IGFBP2: variants seen among roughly 807,000 people sequenced by gnomAD.
IGFBP2 encodes insulin like growth factor binding protein 2.
Under a neutral mutation model 26.2 loss-of-function variants are expected in IGFBP2, and 12 were observed. That is an observed-to-expected ratio of 0.46 (90% CI 0.29 to 0.74). IGFBP2 has a LOEUF of 0.74. Among genes scored for constraint, IGFBP2 ranks in the 30% least tolerant of loss-of-function variants. The probability of loss-of-function intolerance (pLI) is 0.09; values close to 1 mark genes in which losing one functional copy is unlikely to be tolerated. For synonymous variants in IGFBP2, 189 were observed against 200.6 expected, an observed-to-expected ratio of 0.94 and a Z score of 0.49; for missense variants, 328 against 441.2, an observed-to-expected ratio of 0.74 and a Z score of 2.30.
At position 216,633,748 on chromosome 2, in the gene IGFBP2, C is replaced by G; in HGVS notation, c.225C>G (p.Cys75Trp). 7.7e-7 allele frequency: 1 copy of G among 1,306,144 alleles called. No homozygotes were observed. The highest frequency in any genetic ancestry group is 9.7e-7 in the Non-Finnish European group (1 of 1,030,652). The allele number at this position is 1,306,144 out of a possible 1,614,324, so 80.9% of individuals were successfully genotyped here. Reference sequence around the variant, plus strand: ...TGGCCGGAGGCGCCCGCATGCCATGCGCGGAGCTCGTCCGGGAGCCGGGCT... The same window carrying G: ...TGGCCGGAGGCGCCCGCATGCCATGGGCGGAGCTCGTCCGGGAGCCGGGCT... ...AAVAGGARMP[C>W]AELVREPGCG... Residue 75 changes from cysteine to tryptophan, a missense_variant, in exon 1 of 4, where the codon TGC (cysteine) becomes TGG (tryptophan). Transcript: ENST00000233809.
chr2:216,633,592 G>A lies in IGFBP2; in HGVS notation c.69G>A (p.Leu23=). ...PPPPLLPLLL[L]LLGASGGGGG... Reference sequence around the variant, plus strand: ...CGCCGCTGCTGCCGCTGCTGCTGCTGCTACTGGGCGCGAGTGGCGGCGGCG... The same window carrying A: ...CGCCGCTGCTGCCGCTGCTGCTGCTACTACTGGGCGCGAGTGGCGGCGGCG... The change falls in exon 1 of 4, where the codon CTG becomes CTA. Residue 23 remains leucine (L), a synonymous_variant. Transcript: ENST00000233809. The A allele has an allele frequency of 9.8e-7, 1 of 1,016,690 alleles. No homozygotes were observed. Among genetic ancestry groups the A allele is most frequent in the Non-Finnish European group, 1.2e-6 (1 of 854,340 alleles). The allele number at this position is 1,016,690 out of a possible 1,614,324, so 63.0% of individuals were successfully genotyped here.
At chr2:216,653,129 G>A (rs1424791338) in intron 1 of IGFBP2, among the ~76,000 whole-genome samples, 1 of 152,180 alleles carries the variant, frequency 6.6e-6, no homozygotes, top group Admixed American at 6.6e-5. Flanking sequence ...GATAAGGACC[G>A]GGGCCACACA....
At chr2:216,641,583 G>A in intron 1 of IGFBP2, among the ~76,000 whole-genome samples, 1 of 151,942 alleles carries the variant, frequency 6.6e-6, no homozygotes, top group Non-Finnish European at 1.5e-5. Flanking sequence ...CAATGAAACT[G>A]TACTTTAAAT....
At chr2:216,649,962 C>T (rs1246618954) in intron 1 of IGFBP2, among the ~76,000 whole-genome samples, 7 of 152,236 alleles carry the variant, frequency 4.6e-5, no homozygotes. Context: ...TGTTTACAAA[C>T]CCATGAGTGG....
chr2:216,660,292 G>A (rs752502170), intron 1 of IGFBP2, among the ~76,000 whole-genome samples: 4 of 152,118 alleles, frequency 2.6e-5, no homozygotes, highest in Non-Finnish European at 5.9e-5. Context: ...TTGTGATCTT[G>A]GTCAAGTAAC....
chr2:216,642,006 T>G (rs1297772621), intron 1 of IGFBP2, among the ~76,000 whole-genome samples: 1 of 147,676 alleles, frequency 6.8e-6, no homozygotes, highest in Admixed American at 6.8e-5. Context: ...TACATTTTTT[T>G]TTTTTTTTCG....
intron 1 of IGFBP2, among the ~76,000 whole-genome samples, chr2:216,651,476 TC>T (rs1670778235): frequency 6.6e-6 from 1 of 152,238 alleles, no homozygotes; most frequent in African/African-American, 2.4e-5. Context: ...CCTTTGTCCC[TC>T]CCGCTAAATT....
chr2:216,636,222 C>T (rs933089621), intron 1 of IGFBP2, among the ~76,000 whole-genome samples: 25 of 152,134 alleles, frequency 1.6e-4, no homozygotes, highest in African/African-American at 6.0e-4. Flanking sequence ...ACTGAATCCT[C>T]TGCCTCCCAC....
chr2:216,661,791 C>A (rs3732018), intron 2 of IGFBP2, 67 bp from the exon 3 acceptor site: 4 of 1,586,154 alleles, frequency 2.5e-6, no homozygotes, highest in Admixed American at 1.7e-5. Flanking sequence ...GCTGAGCTTG[C>A]GTCTGGCGCG....
chr2:216,642,860 T>A (rs1244408588), intron 1 of IGFBP2, among the ~76,000 whole-genome samples: 1 of 152,186 alleles, frequency 6.6e-6, no homozygotes. Flanking sequence ...GACCTAGCCT[T>A]CTGGCTGTCA....
chr2:216,644,279 A>T (rs1697668179), intron 1 of IGFBP2, among the ~76,000 whole-genome samples: 1 of 151,892 alleles, frequency 6.6e-6, no homozygotes, highest in Admixed American at 6.6e-5. Flanking sequence ...AGGAGGGAAG[A>T]TTGGGGAGAA....
Position 216,633,832 on chromosome 2 carries a change from G to C in IGFBP2, c.309G>C (p.Pro103=). ...GCGAGGCGTGCGGCGTCTACACCCC[G>C]CGCTGCGGCCAGGGGCTGCGCTGCT... ...LEGEACGVYT[P]RCGQGLRCYP... Residue 103 remains proline, a synonymous_variant, in exon 1 of 4, where the codon CCG becomes CCC. Transcript: ENST00000233809. The C allele has an allele frequency of 6.5e-7, 1 of 1,537,864 alleles. No homozygotes were observed. Among genetic ancestry groups the C allele is most frequent in the South Asian group, 1.2e-5 (1 of 84,322 alleles).
At chr2:216,640,589 G>A (rs887504956) in intron 1 of IGFBP2, among the ~76,000 whole-genome samples, 10 of 152,134 alleles carry the variant, frequency 6.6e-5, no homozygotes, top group African/African-American at 2.4e-4. Flanking sequence ...ACCTCCCTGC[G>A]AGGGAGGCCG....
At chr2:216,656,574 CT>C (rs978782530) in intron 1 of IGFBP2, among the ~76,000 whole-genome samples, 50 of 152,174 alleles carry the variant, frequency 3.3e-4, no homozygotes, top group African/African-American at 1.2e-3. Flanking sequence ...GGGGAGGGTG[CT>C]ACTGGTTTCT....
At chr2:216,651,252 C>T (rs1697818290) in intron 1 of IGFBP2, among the ~76,000 whole-genome samples, 1 of 152,212 alleles carries the variant, frequency 6.6e-6, no homozygotes, top group Non-Finnish European at 1.5e-5. Context: ...ACCAGCATGG[C>T]CTGAATTACT....
intron 1 of IGFBP2, among the ~76,000 whole-genome samples, chr2:216,659,226 C>T (rs1275359373): frequency 3.3e-5 from 5 of 152,192 alleles, no homozygotes; most frequent in Non-Finnish European, 7.3e-5. Context: ...TGCCAGCACC[C>T]GGTGCTGTCC....
intron 1 of IGFBP2, among the ~76,000 whole-genome samples, chr2:216,634,467 TG>T (rs1217859802): frequency 6.6e-6 from 1 of 152,092 alleles, no homozygotes; most frequent in Admixed American, 6.6e-5. Flanking sequence ...TTCCTTCTAC[TG>T]GGGTTGTGAG....
chr2:216,647,764 C>T (rs1697741607), intron 1 of IGFBP2, among the ~76,000 whole-genome samples: 1 of 152,176 alleles, frequency 6.6e-6, no homozygotes, highest in Non-Finnish European at 1.5e-5. Context: ...TCGTGATCTG[C>T]CCGCCTTGGC....
chr2:216,658,329 A>G (rs970609123), intron 1 of IGFBP2, among the ~76,000 whole-genome samples: 1 of 152,044 alleles, frequency 6.6e-6, no homozygotes, highest in African/African-American at 2.4e-5. Context: ...TTGAGTGGAA[A>G]GTGCCAACAT....
Sources: gnomAD v4.1 joint callset for allele counts (sites outside exome capture counted in the v4.1 genomes callset) on GRCh38, gnomAD v4.1.1 for gene constraint, MANE v1.5 for transcripts, NCBI Gene and HGNC (gene_info 2026-07-23, HGNC 2026-07-21) for gene names.